Variants in RNGTT observed in about 807,000 individuals in gnomAD.
RNGTT encodes mRNA-capping enzyme.
RNGTT carries 33 observed loss-of-function variants against 79.3 expected under a neutral mutation model. That is an observed-to-expected ratio of 0.42 (90% confidence interval 0.32 to 0.56). The LOEUF (loss-of-function observed/expected upper bound fraction) is 0.56. Ranked by LOEUF, RNGTT falls within the 20% of genes least tolerant of loss-of-function variation. The pLI is 0.17. For missense variants in RNGTT, 497 were observed against 739.1 expected, an observed-to-expected ratio of 0.67 and a Z score of 3.80; for synonymous variants, 222 against 235.9, an observed-to-expected ratio of 0.94 and a Z score of 0.54.
chr6:88,863,946 TTATGAAGGTCCAACTCCTAACTA>T lies in RNGTT; in HGVS notation c.897-10205_897-10183del, dbSNP rs367669092. Among the ~76,000 whole-genome samples, 366 of 152,218 alleles carry T rather than the reference TTATGAAGGTCCAACTCCTAACTA, an allele frequency of 2.4e-3. 3 individuals carry two copies. Among genetic ancestry groups the T allele is most frequent in the Middle Eastern group, 0.01 (3 of 294 alleles). On this transcript the variant is annotated intron_variant, in intron 8 of 15. Coordinates refer to ENST00000369485, the MANE Select transcript of RNGTT (RefSeq NM_003800.5). ...CTGGAACCAAAAATCTCATCCAATA[TTATGAAGGTCCAACTCCTAACTA>T]TATGCTTTAACTTCACAGTTGCAAC...
intron 4 of RNGTT, among the ~76,000 whole-genome samples, chr6:88,913,810 C>T (rs1783912606): frequency 6.6e-6 from 1 of 152,134 alleles, no homozygotes; most frequent in Admixed American, 6.5e-5. Context: ...GACAAGGATG[C>T]CCACTCTCGC....
At chr6:88,847,105 AAAT>A (rs1376538604) in intron 10 of RNGTT, among the ~76,000 whole-genome samples, 1 of 152,184 alleles carries the variant, frequency 6.6e-6, no homozygotes, top group Non-Finnish European at 1.5e-5. Context: ...CACAACTGTA[AAAT>A]ATTACAAAAT....
rs1184406617 is a variant in RNGTT, at chr6:88,697,982, GAT to G, written c.1440-19565_1440-19564del. Among the ~76,000 whole-genome samples the G allele has an allele frequency of 6.3e-5, 5 of 79,446 alleles. 1 individual carries two copies. The highest frequency in any genetic ancestry group is 2.6e-4 in the Admixed American group (2 of 7,842). The allele number at this position is 79,446 out of a possible 152,430, so 52.1% of individuals were successfully genotyped here. A position where few individuals can be genotyped will look rare whatever the true frequency, so the allele number is the denominator to read the frequency against. On this transcript the variant is annotated intron_variant, in intron 13 of 15. Coordinates refer to ENST00000369485, the MANE Select transcript of RNGTT (RefSeq NM_003800.5). ...ATATATATATGAAATACATATATAT[GAT>G]ATATATATGAAATACATATATGATA... is the stretch of plus-strand genomic sequence containing the variant.
chr6:88,878,118 C>T (rs1007793028), intron 8 of RNGTT, among the ~76,000 whole-genome samples: 6 of 149,968 alleles, frequency 4.0e-5, no homozygotes, highest in African/African-American at 1.5e-4. Flanking sequence ...ATTTTTGAGA[C>T]AGGATCTTTC....
chr6:88,713,921 T>C (rs1298065363), intron 13 of RNGTT, among the ~76,000 whole-genome samples: 3 of 152,136 alleles, frequency 2.0e-5, no homozygotes, highest in African/African-American at 2.4e-5. Flanking sequence ...GTGAAAGATA[T>C]ATAAATTTAA....
intron 6 of RNGTT, among the ~76,000 whole-genome samples, chr6:88,893,429 C>T (rs2127936006): frequency 6.6e-6 from 1 of 152,090 alleles, no homozygotes; most frequent in Admixed American, 6.5e-5. Context: ...AAAGCAAAGG[C>T]CAAATTAACC....
intron 11 of RNGTT, among the ~76,000 whole-genome samples, chr6:88,806,575 A>G (rs1779963063): frequency 6.6e-6 from 1 of 152,078 alleles, no homozygotes; most frequent in Non-Finnish European, 1.5e-5. Context: ...TCGGCCTCCT[A>G]AAGTGCTGGG....
chr6:88,748,876 A>G (rs1350317807), intron 13 of RNGTT, among the ~76,000 whole-genome samples: 4 of 150,402 alleles, frequency 2.7e-5, no homozygotes, highest in African/African-American at 4.9e-5. Flanking sequence ...CCAGTTGGGG[A>G]AAAAAAAAAT....
chr6:88,910,346 G>A (rs967912890), intron 4 of RNGTT, among the ~76,000 whole-genome samples: 15 of 152,034 alleles, frequency 9.9e-5, no homozygotes, highest in East Asian at 3.9e-4. Flanking sequence ...CTTAACAACC[G>A]GCCTTATAAG....
intron 14 of RNGTT, among the ~76,000 whole-genome samples, chr6:88,633,361 C>T (rs1223766925): frequency 6.6e-6 from 1 of 152,172 alleles, no homozygotes; most frequent in Non-Finnish European, 1.5e-5. Flanking sequence ...ACCAGGGTCT[C>T]TTGCTCTAGG....
At chr6:88,899,531 G>A (rs1783373445) in intron 6 of RNGTT, among the ~76,000 whole-genome samples, 1 of 151,920 alleles carries the variant, frequency 6.6e-6, no homozygotes, top group Non-Finnish European at 1.5e-5. Flanking sequence ...TTCCGCCTCG[G>A]CCTCCCAAAG....
rs150622690 is a variant in RNGTT at position 88,879,038 on chromosome 6, G to A, written c.896+11457C>T. ...AACATACACTACAAACATTATTAAT[G>A]AGATACATATCAAGGGACCCAAGCA... On this transcript the variant is annotated intron_variant, in intron 8 of 15. Coordinates refer to ENST00000369485, the MANE Select transcript of RNGTT (RefSeq NM_003800.5). 6.2e-4 allele frequency among the ~76,000 whole-genome samples: 95 copies of A among 152,228 alleles called. 1 individual carries two copies. Among genetic ancestry groups the A allele is most frequent in the African/African-American group, 2.2e-3 (92 of 41,546 alleles).
At chr6:88,833,254 A>T (rs1780939774) in intron 11 of RNGTT, among the ~76,000 whole-genome samples, 1 of 152,180 alleles carries the variant, frequency 6.6e-6, no homozygotes, top group African/African-American at 2.4e-5. Context: ...ATAAAAAAGG[A>T]TGAGTTCATG....
intron 13 of RNGTT, among the ~76,000 whole-genome samples, chr6:88,713,294 G>C (rs554132916): frequency 6.7e-6 from 1 of 149,544 alleles, no homozygotes; most frequent in African/African-American, 2.5e-5. Flanking sequence ...ACCTGACCAT[G>C]CTGGCACCCT....
At chr6:88,719,443 T>G (rs1450729485) in intron 13 of RNGTT, among the ~76,000 whole-genome samples, 5 of 152,230 alleles carry the variant, frequency 3.3e-5, no homozygotes, top group Admixed American at 3.3e-4. Context: ...AACTGGTTAC[T>G]GAGAAAATTT....
chr6:88,906,123 G>C (rs1377613991), intron 5 of RNGTT, among the ~76,000 whole-genome samples: 1 of 152,098 alleles, frequency 6.6e-6, no homozygotes, highest in Non-Finnish European at 1.5e-5. Context: ...CTCCAGCCTG[G>C]ATGACAGAGG....
At chr6:88,686,717 C>G (rs1262224267) in intron 13 of RNGTT, among the ~76,000 whole-genome samples, 1 of 152,084 alleles carries the variant, frequency 6.6e-6, no homozygotes, top group Admixed American at 6.6e-5. Context: ...TGGCTATCCA[C>G]ACAGATGAAA....
chr6:88,800,710 G>A (rs1391019094), intron 12 of RNGTT, among the ~76,000 whole-genome samples: 1 of 152,192 alleles, frequency 6.6e-6, no homozygotes, highest in Non-Finnish European at 1.5e-5. Context: ...CTGCATCTGT[G>A]AAACTTCCTG....
chr6:88,963,353 C>T lies in RNGTT; in HGVS notation c.57G>A (p.Pro19=), dbSNP rs758541362. The part of the protein sequence containing the change: ...RWLNCPRRGQ[P]VAGRFLPLKT... ...CCCCCCAGTCCAGGTTACCTGCCAC[C>T]GGCTGGCCGCGCCGGGGACAGTTCA... The change falls in exon 1 of 16, where the codon CCG becomes CCA. Residue 19 remains proline (P), a synonymous_variant. Coordinates refer to ENST00000369485, the MANE Select transcript of RNGTT (RefSeq NM_003800.5). The T allele has an allele frequency of 1.9e-6, 3 of 1,611,756 alleles. No individual in the cohort carries two copies. Among genetic ancestry groups the T allele is most frequent in the Non-Finnish European group, 8.5e-7 (1 of 1,179,102 alleles).
Sources: allele counts gnomAD v4.1 joint callset (sites outside exome capture counted in the v4.1 genomes callset), GRCh38; gene constraint gnomAD v4.1.1; transcripts MANE v1.5; gene names NCBI Gene and HGNC (gene_info 2026-07-23, HGNC 2026-07-21).